Variants in DTNA observed in about 807,000 individuals in gnomAD.
DTNA encodes dystrophin-related protein 3.
DTNA carries 43 observed loss-of-function variants against 100.7 expected under a neutral mutation model. The observed-to-expected ratio is 0.43, with a 90% CI of 0.33 to 0.55. The LOEUF is 0.55. Ranked by LOEUF, DTNA falls within the 20% of genes least tolerant of loss-of-function variation. The pLI is 0.04. For synonymous variants in DTNA, 349 were observed against 347.9 expected (o/e 1.00, Z -0.04); for missense variants, 798 against 953.9 (o/e 0.84, Z 2.15).
intron 1 of DTNA, among the ~76,000 whole-genome samples, chr18:34,566,480 C>G (rs1293398968): frequency 3.9e-5 from 6 of 152,104 alleles, no homozygotes; most frequent in Non-Finnish European, 2.9e-5. Context: ...CATGGCCTTC[C>G]CTTCATAACA....
intron 1 of DTNA, among the ~76,000 whole-genome samples, chr18:34,687,859 T>C (rs984559701): frequency 1.3e-5 from 2 of 152,222 alleles, no homozygotes; most frequent in African/African-American, 4.8e-5. Flanking sequence ...ACTTAGCTCT[T>C]CTTGTTGCAT....
At chr18:34,849,296 C>G (rs567791880) in intron 14 of DTNA, among the ~76,000 whole-genome samples, 2 of 152,324 alleles carry the variant, frequency 1.3e-5, no homozygotes, top group East Asian at 3.9e-4. Context: ...CAAGCAACCA[C>G]TCCAGGAGTC....
intron 1 of DTNA, among the ~76,000 whole-genome samples, chr18:34,554,598 T>G (rs2045825909): frequency 6.6e-6 from 1 of 152,018 alleles, no homozygotes; most frequent in East Asian, 1.9e-4. Context: ...TTGTTGAATT[T>G]TGTCAAAGGC....
intron 4 of DTNA, among the ~76,000 whole-genome samples, chr18:34,797,761 G>T (rs193201553): frequency 6.6e-6 from 1 of 152,110 alleles, no homozygotes; most frequent in Non-Finnish European, 1.5e-5. Flanking sequence ...GAAGCCTTTC[G>T]CCTGTCATGG....
At chr18:34,576,034 G>A (rs112588681) in intron 1 of DTNA, among the ~76,000 whole-genome samples, 2,208 of 152,240 alleles carry the variant, frequency 0.015, 55 homozygotes, top group African/African-American at 0.049. Flanking sequence ...ATGCCATGAT[G>A]TTCTTTCTCC....
At chr18:34,859,296 A>G (rs919822868) in intron 16 of DTNA, among the ~76,000 whole-genome samples, 2 of 150,094 alleles carry the variant, frequency 1.3e-5, no homozygotes, top group African/African-American at 5.0e-5. Context: ...ACAAAGCAAC[A>G]AAAGAATGAA....
chr18:34,676,128 C>T (rs189126256), intron 1 of DTNA, among the ~76,000 whole-genome samples: 26 of 152,236 alleles, frequency 1.7e-4, no homozygotes, highest in Non-Finnish European at 2.2e-4. Context: ...TTGTAATAAA[C>T]GTGTATGCTT....
chr18:34,620,848 G>A (rs2056349032), intron 1 of DTNA, among the ~76,000 whole-genome samples: 1 of 152,094 alleles, frequency 6.6e-6, no homozygotes, highest in South Asian at 2.1e-4. Flanking sequence ...TGAGATTTGG[G>A]TGGGGACACA....
chr18:34,597,187 CT>C (rs1380445854), intron 1 of DTNA, among the ~76,000 whole-genome samples: 1 of 152,092 alleles, frequency 6.6e-6, no homozygotes, highest in African/African-American at 2.4e-5. Flanking sequence ...TGAACACATT[CT>C]TTTTTATGGC....
At position 34,693,746 on chromosome 18, in the gene DTNA, C is replaced by CTGTGTGTG. The variant is rs34072179; in HGVS notation, c.-1-62198_-1-62191dup. Among the ~76,000 whole-genome samples, 1,429 of 143,174 alleles carry CTGTGTGTG rather than the reference C, an allele frequency of 1.0e-2. 23 individuals are homozygous for CTGTGTGTG. The highest frequency in any genetic ancestry group is 0.035 in the African/African-American group (1,345 of 38,824). The allele number at this position is 143,174 out of a possible 152,430, so 93.9% of individuals were successfully genotyped here. On this transcript the variant is annotated intron_variant, in intron 1 of 19. Coordinates refer to the DTNA transcript ENST00000283365. ...CATCCTGCTTGTCATCTTGTGTGCA[C>CTGTGTGTG]TGTGTGTGTGTGTGTGTGTGTGTGT...
intron 3 of DTNA, among the ~76,000 whole-genome samples, chr18:34,775,364 TA>T (rs2093991218): frequency 6.6e-6 from 1 of 151,986 alleles, no homozygotes; most frequent in Admixed American, 6.6e-5. Flanking sequence ...TGGGCGCCAG[TA>T]GTCCCAGCTA....
chr18:34,698,302 T>G (rs1007652887), intron 1 of DTNA, among the ~76,000 whole-genome samples: 1 of 152,176 alleles, frequency 6.6e-6, no homozygotes, highest in African/African-American at 2.4e-5. Flanking sequence ...CAATAGAAAT[T>G]TTTTCTGTCA....
chr18:34,820,865 C>A lies in DTNA; in HGVS notation c.951C>A (p.His317Gln). Reference protein sequence around the residue: ...LSCASSREPLHPMFPDQPEKP... With the variant: ...LSCASSREPLQPMFPDQPEKP... ...GTGCTTCCAGCCGTGAACCTTTGCA[C>A]CCCATGTTCCCAGATCAGCCTGAGA... The change falls in exon 9 of 23, where the codon CAC becomes CAA. Residue 317 changes from histidine (H) to glutamine (Q), a missense_variant. Transcript: ENST00000444659. 6.2e-7 allele frequency: 1 copy of A among 1,614,128 alleles called. No individual in the cohort carries two copies. The highest frequency in any genetic ancestry group is 8.5e-7 in the Non-Finnish European group (1 of 1,180,000).
chr18:34,688,656 T>G (rs1051423681), intron 1 of DTNA, among the ~76,000 whole-genome samples: 13 of 152,138 alleles, frequency 8.5e-5, no homozygotes, highest in African/African-American at 3.1e-4. Flanking sequence ...CTTTGTGGTG[T>G]TTTCTGTGTT....
intron 1 of DTNA, among the ~76,000 whole-genome samples, chr18:34,602,588 T>C (rs924683917): frequency 6.6e-6 from 1 of 152,016 alleles, no homozygotes; most frequent in African/African-American, 2.4e-5. Flanking sequence ...TGCAAGAACC[T>C]CTAAGGCTGA....
intron 1 of DTNA, among the ~76,000 whole-genome samples, chr18:34,690,158 C>A (rs771078091): frequency 6.6e-5 from 10 of 152,200 alleles, no homozygotes; most frequent in Admixed American, 1.3e-4. Context: ...GTGAACGGCT[C>A]TGTCTCACTG....
chr18:34,609,369 C>T (rs1207640370), intron 1 of DTNA, among the ~76,000 whole-genome samples: 4 of 151,886 alleles, frequency 2.6e-5, no homozygotes, highest in East Asian at 1.9e-4. Context: ...CTCAGCCTCC[C>T]GAGCGGCTGG....
intron 4 of DTNA, among the ~76,000 whole-genome samples, chr18:34,804,135 G>C (rs984798419): frequency 1.3e-5 from 2 of 152,094 alleles, no homozygotes; most frequent in Non-Finnish European, 2.9e-5. Flanking sequence ...TTCAGAGCAG[G>C]GTGAATAATG....
At chr18:34,512,950 G>A (rs182644848) in intron 1 of DTNA, among the ~76,000 whole-genome samples, 31 of 152,154 alleles carry the variant, frequency 2.0e-4, no homozygotes, top group Admixed American at 1.9e-3. Context: ...TTTCACATAA[G>A]ATGTGACCAC....
Sources: gnomAD v4.1 joint callset for allele counts (sites outside exome capture counted in the v4.1 genomes callset) on GRCh38, gnomAD v4.1.1 for gene constraint, MANE v1.5 for transcripts, NCBI Gene and HGNC (gene_info 2026-07-23, HGNC 2026-07-21) for gene names.